The following PARP1 variants were observed in gnomAD, a reference collection of about 807,000 sequenced individuals.
The protein encoded by PARP1 is poly [ADP-ribose] polymerase 1.
A neutral mutation model predicts 118.7 loss-of-function variants in PARP1; 44 were observed. The observed-to-expected ratio is 0.37, with a 90% CI of 0.29 to 0.48. PARP1 has a LOEUF of 0.48. Among genes scored for constraint, PARP1 ranks in the 20% least tolerant of loss-of-function variants. The pLI is 0.99. For synonymous variants in PARP1, 492 were observed against 483.2 expected, an observed-to-expected ratio of 1.02 and a Z score of -0.24; for missense variants, 1,100 against 1,272.4, an observed-to-expected ratio of 0.86 and a Z score of 2.06.
rs563076429 is a variant in PARP1 at position 226,405,296 on chromosome 1, A to G, written c.120+2514T>C. On this transcript the variant is annotated intron_variant, in intron 1 of 22. Coordinates refer to ENST00000366794, the MANE Select transcript of PARP1 (RefSeq NM_001618.4). ...AAGGAAAGCCCAGAATGTTGTTATT[A>G]CTATTTTTTTTTTCAGACAGGGTCT... Among the ~76,000 whole-genome samples, 10 of 151,896 alleles carry G rather than the reference A, an allele frequency of 6.6e-5. 1 individual carries two copies. Among genetic ancestry groups the G allele is most frequent in the African/African-American group, 2.4e-4 (10 of 41,414 alleles).
At chr1:226,381,818 C>T (rs572577122) in intron 8 of PARP1, among the ~76,000 whole-genome samples, 1 of 152,340 alleles carries the variant, frequency 6.6e-6, no homozygotes, top group South Asian at 2.1e-4. Flanking sequence ...TGACACCCGT[C>T]CAGAACTGGA....
intron 1 of PARP1, among the ~76,000 whole-genome samples, chr1:226,406,872 C>G (rs193065980): frequency 2.0e-5 from 3 of 152,302 alleles, no homozygotes; most frequent in South Asian, 2.1e-4. Context: ...TGAGGGATAT[C>G]TGGTCATTCC....
chr1:226,400,351 GATC>G (rs1190316554), intron 2 of PARP1, among the ~76,000 whole-genome samples: 1 of 152,000 alleles, frequency 6.6e-6, no homozygotes, highest in Non-Finnish European at 1.5e-5. Flanking sequence ...AGGGAAACTA[GATC>G]ATCATCTGGA....
chr1:226,379,278 T>C lies in PARP1; in HGVS notation c.1613-4A>G. ...ACATGCGCAGAGTGTTCCAGTCCTG[T>C]CCCAGAGGAAAAGCACCTACAGTTT... On this transcript the variant is annotated splice_polypyrimidine_tract_variant and splice_region_variant and intron_variant, in intron 11 of 22. Coordinates refer to ENST00000366794, the MANE Select transcript of PARP1 (RefSeq NM_001618.4). 1.2e-6 allele frequency: 2 copies of C among 1,614,192 alleles called. No individual in the cohort carries two copies. Among genetic ancestry groups the C allele is most frequent in the East Asian group, 2.2e-5 (1 of 44,884 alleles).
At chr1:226,391,647 G>A (rs769112771) in intron 3 of PARP1, among the ~76,000 whole-genome samples, 4 of 152,100 alleles carry the variant, frequency 2.6e-5, no homozygotes, top group South Asian at 2.1e-4. Flanking sequence ...CAATACCTCC[G>A]GGAGGCAGAG....
At chr1:226,385,256 T>C (rs1664692512) in intron 7 of PARP1, among the ~76,000 whole-genome samples, 1 of 152,234 alleles carries the variant, frequency 6.6e-6, no homozygotes, top group Non-Finnish European at 1.5e-5. Context: ...ATAAAAACTA[T>C]TCATGGTCTT....
At chr1:226,396,276 A>C (rs961035963) in intron 2 of PARP1, among the ~76,000 whole-genome samples, 1 of 151,984 alleles carries the variant, frequency 6.6e-6, no homozygotes, top group Non-Finnish European at 1.5e-5. Context: ...AACCCGGGAG[A>C]CAGAGGATGC....
At chr1:226,397,530 G>C (rs746956822) in intron 2 of PARP1, among the ~76,000 whole-genome samples, 1 of 152,138 alleles carries the variant, frequency 6.6e-6, no homozygotes, top group South Asian at 2.1e-4. Context: ...TTATAATCCC[G>C]AATGTTGGAG....
At chr1:226,402,966 G>C (rs1665066985) in intron 1 of PARP1, among the ~76,000 whole-genome samples, 1 of 152,260 alleles carries the variant, frequency 6.6e-6, no homozygotes, top group Admixed American at 6.5e-5. Flanking sequence ...ACACAGATGG[G>C]AGTGGAATGA....
chr1:226,406,844 T>C (rs957223656), intron 1 of PARP1, among the ~76,000 whole-genome samples: 8 of 152,168 alleles, frequency 5.3e-5, no homozygotes, highest in Admixed American at 2.6e-4. Flanking sequence ...TCCCTTGTAC[T>C]AAGTACTGAA....
chr1:226,366,193 G>A (rs1664262932), intron 17 of PARP1, 141 bp from the exon 18 acceptor site: 2 of 693,350 alleles, frequency 2.9e-6, no homozygotes, highest in Non-Finnish European at 5.3e-6. Flanking sequence ...TGTGTCCCAG[G>A]CCTGTGGGCT....
At position 226,363,208 on chromosome 1, in the gene PARP1, C is replaced by T. The variant is rs375832437; in HGVS notation, c.2787-48G>A. The T allele has an allele frequency of 5.6e-6, 7 of 1,254,584 alleles. No individual in the cohort carries two copies. In the African/African-American group the frequency reaches 5.9e-5, roughly 11 times the overall value. 77.7% of individuals were successfully genotyped at this position (1,254,584 alleles called of 1,614,324 possible). A position where few individuals can be genotyped will look rare whatever the true frequency, so the allele number is the denominator to read the frequency against. The stretch of plus-strand genomic sequence containing the variant: ...AGAAGAGGCCTTCACACTGGGCTCT[C>T]GAAACCAACAGTTTGATTAGGAGAA... On this transcript the variant is annotated intron_variant, in intron 20 of 22. Transcript: ENST00000366794.
At chr1:226,370,879 G>A in intron 14 of PARP1, 1 of 290,806 alleles carries the variant, frequency 3.4e-6, no homozygotes, top group South Asian at 3.9e-5. Context: ...ACCCCACCCA[G>A]CGGCCTTCCC....
At chr1:226,376,504 G>C (rs1455926782) in intron 13 of PARP1, among the ~76,000 whole-genome samples, 1 of 152,180 alleles carries the variant, frequency 6.6e-6, no homozygotes, top group Non-Finnish European at 1.5e-5. Flanking sequence ...CATGGGTTCA[G>C]ATAAAAAGCC....
intron 2 of PARP1, among the ~76,000 whole-genome samples, chr1:226,395,138 T>G (rs79645680): frequency 4.7e-5 from 7 of 148,610 alleles, no homozygotes; most frequent in African/African-American, 1.5e-4. Flanking sequence ...AAAAAAAAAG[T>G]GTTCATACGA....
chr1:226,405,452 C>T (rs12119288), intron 1 of PARP1, among the ~76,000 whole-genome samples: 6,976 of 152,148 alleles, frequency 0.046, 225 homozygotes, highest in Non-Finnish European at 0.07. Context: ...TTAACAGGCA[C>T]GCACCACCAC....
At chr1:226,377,515 A>C (rs1160827903) in intron 12 of PARP1, among the ~76,000 whole-genome samples, 1 of 152,226 alleles carries the variant, frequency 6.6e-6, no homozygotes, top group African/African-American at 2.4e-5. Context: ...ACTACAAAAA[A>C]TGCCAAAGAA....
At chr1:226,386,256 TG>T in intron 6 of PARP1, 69 bp downstream of exon 6, 3 of 905,684 alleles carry the variant, frequency 3.3e-6, no homozygotes, top group East Asian at 4.8e-5. Flanking sequence ...CACACTCCAT[TG>T]GGACAGTCAC....
At chr1:226,403,508 T>C (rs946538333) in intron 1 of PARP1, among the ~76,000 whole-genome samples, 31 of 152,326 alleles carry the variant, frequency 2.0e-4, no homozygotes, top group Middle Eastern at 3.4e-3. Context: ...GTGACAGCGA[T>C]TGGGAAGAAG....
Sources: gnomAD v4.1 joint callset for allele counts (sites outside exome capture counted in the v4.1 genomes callset) on GRCh38, gnomAD v4.1.1 for gene constraint, MANE v1.5 for transcripts, NCBI Gene and HGNC (gene_info 2026-07-23, HGNC 2026-07-21) for gene names.